The following CACNA1C variants were observed in gnomAD, a reference collection of about 807,000 sequenced individuals.
The protein encoded by CACNA1C is voltage-dependent L-type calcium channel subunit alpha-1C.
In CACNA1C, 30 loss-of-function variants were observed where a neutral mutation model predicts 229.0. The observed-to-expected ratio is 0.13, with a 90% CI of 0.10 to 0.18. The LOEUF (loss-of-function observed/expected upper bound fraction) is 0.18. Ranked by LOEUF, CACNA1C falls within the 10% of genes least tolerant of loss-of-function variation. CACNA1C has a pLI of 1.00. For synonymous variants in CACNA1C, 1,114 were observed against 1,132.5 expected (o/e 0.98, Z 0.33); for missense variants, 1,658 against 2,845.0 (o/e 0.58, Z 9.49).
rs568116212 is a variant in CACNA1C at position 2,234,658 on chromosome 12, C to CTG, written c.477+114242_477+114243dup. Among the ~76,000 whole-genome samples the CTG allele has an allele frequency of 1.5e-3, 225 of 151,788 alleles. 1 individual carries two copies. The highest frequency in any genetic ancestry group is 6.8e-3 in the Middle Eastern group (2 of 294). On this transcript the variant is annotated intron_variant, in intron 3 of 46. Transcript: ENST00000399655. ...TGTTGGTGTTTTTCACAAAAATTTTCTGTGTGTGTGTGTGTATTTTAATAT... is the reference window on the plus strand; with the variant it reads ...TGTTGGTGTTTTTCACAAAAATTTTCTGTGTGTGTGTGTGTGTATTTTAATAT...
intron 3 of CACNA1C, chr12:2,220,795 G>A (rs2061264793): frequency 1.3e-5 from 2 of 152,178 alleles, no homozygotes; most frequent in Admixed American, 6.5e-5. Context: ...AACTATATGC[G>A]AGGCACTTTG....
At chr12:2,261,339 C>T (rs897457663) in intron 3 of CACNA1C, among the ~76,000 whole-genome samples, 15 of 152,076 alleles carry the variant, frequency 9.9e-5, no homozygotes, top group African/African-American at 3.6e-4. Flanking sequence ...AGAAGAGTGA[C>T]ATTGCTTTAC....
intron 1 of CACNA1C, among the ~76,000 whole-genome samples, chr12:1,972,963 A>T (rs2032997785): frequency 6.6e-6 from 1 of 152,200 alleles, no homozygotes; most frequent in African/African-American, 2.4e-5. Context: ...GCATCCATAG[A>T]TGGGAAACAC....
At chr12:2,423,858 A>C (rs2154556796) in intron 3 of CACNA1C, among the ~76,000 whole-genome samples, 1 of 152,320 alleles carries the variant, frequency 6.6e-6, no homozygotes, top group Non-Finnish European at 1.5e-5. Context: ...TGGGGAGCTG[A>C]AATTCTCCCC....
intron 20 of CACNA1C, among the ~76,000 whole-genome samples, chr12:2,596,453 A>G (rs2068225350): frequency 6.6e-6 from 1 of 152,210 alleles, no homozygotes. Context: ...GGACCCACCC[A>G]AGGCTCTGGT....
At chr12:2,584,447 G>T in intron 15 of CACNA1C, 56 bp from the exon 16 acceptor site, 2 of 1,297,702 alleles carry the variant, frequency 1.5e-6, no homozygotes, top group Non-Finnish European at 2.2e-6. Flanking sequence ...CCGTGCCCCT[G>T]TGCCCACCAA....
chr12:2,166,495 C>G (rs560784758), intron 3 of CACNA1C, among the ~76,000 whole-genome samples: 2 of 152,318 alleles, frequency 1.3e-5, no homozygotes, highest in South Asian at 4.1e-4. Context: ...TAAGGAGTGT[C>G]AGCAATGAGG....
intron 1 of CACNA1C, among the ~76,000 whole-genome samples, chr12:2,032,705 G>C (rs551681855): frequency 6.6e-6 from 1 of 152,320 alleles, no homozygotes; most frequent in Admixed American, 6.5e-5. Context: ...TTATGGACAG[G>C]CAGCTCAGAA....
chr12:2,457,086 C>T (rs1263175274), intron 4 of CACNA1C, among the ~76,000 whole-genome samples: 1 of 152,196 alleles, frequency 6.6e-6, no homozygotes, highest in Non-Finnish European at 1.5e-5. Context: ...TGAGCAGCCA[C>T]CAAGGCCAGC....
In CACNA1C at chr12:2,585,531, C is replaced by T. The variant is rs377740467; in HGVS notation, c.2460+35C>T. ...TGTCTCCTTCCTGGAGCTGTGAGGC[C>T]GGTGCTGGGGAGGGAGGGCCACAGC... On this transcript the variant is annotated intron_variant, in intron 17 of 46. Transcript: ENST00000399655. This position sits in a 1 kb window ranked among gnomAD's most constrained non-coding sequence, Gnocchi z 4.1. The T allele has an allele frequency of 5.7e-5, 87 of 1,525,756 alleles. No homozygotes were observed. In the African/African-American group the frequency reaches 8.7e-4, roughly 15 times the overall value. The allele number at this position is 1,525,756 out of a possible 1,614,324, so 94.5% of individuals were successfully genotyped here.
intron 6 of CACNA1C, among the ~76,000 whole-genome samples, chr12:2,492,390 C>T (rs554732482): frequency 5.3e-5 from 8 of 152,194 alleles, no homozygotes; most frequent in Non-Finnish European, 1.0e-4. Context: ...CCCTATTATT[C>T]ACTGCCGCTC....
intron 3 of CACNA1C, among the ~76,000 whole-genome samples, chr12:2,237,389 C>A (rs2067848188): frequency 6.6e-6 from 1 of 152,154 alleles, no homozygotes; most frequent in Non-Finnish European, 1.5e-5. Context: ...TGTGACAGGA[C>A]CTAATGTTTT....
intron 1 of CACNA1C, among the ~76,000 whole-genome samples, chr12:2,083,334 G>T (rs75823749): frequency 6.6e-6 from 1 of 152,216 alleles, no homozygotes; most frequent in East Asian, 1.9e-4. Context: ...GGCCCTGGCC[G>T]TAGATCCCAG....
intron 3 of CACNA1C, among the ~76,000 whole-genome samples, chr12:2,321,343 T>C (rs1005889283): frequency 6.6e-6 from 1 of 152,098 alleles, no homozygotes; most frequent in African/African-American, 2.4e-5. Context: ...GAGTCCCATT[T>C]TGAGCAAGGT....
At chr12:2,070,824 C>A (rs58708722) in intron 1 of CACNA1C, among the ~76,000 whole-genome samples, 7,820 of 151,944 alleles carry the variant, frequency 0.051, 520 homozygotes, top group East Asian at 0.2. Flanking sequence ...TCTTTCCCTT[C>A]CTTTCTTTTT....
At position 2,446,786 on chromosome 12, in the gene CACNA1C, G is replaced by A. The variant is rs564192490; in HGVS notation, c.478-2190G>A. 7.3e-4 allele frequency among the ~76,000 whole-genome samples: 111 copies of A among 151,712 alleles called. 1 individual carries two copies. Among genetic ancestry groups the A allele is most frequent in the African/African-American group, 2.7e-3 (110 of 41,352 alleles). ...TGGGTGGGTGGGTGAATGGATGAAT[G>A]GATGGGTGAGTGCATGAAAAGATGG... On this transcript the variant is annotated intron_variant, in intron 3 of 46. Transcript: ENST00000399655.
In CACNA1C at chr12:2,108,679, T is replaced by A; in HGVS notation, c.50-6545T>A. Among the ~76,000 whole-genome samples, 1 of 152,144 alleles carries A rather than the reference T, an allele frequency of 6.6e-6. No individual in the cohort carries two copies. The highest frequency in any genetic ancestry group is 2.1e-4 in the South Asian group (1 of 4,822). ...ACCACATGGTGCTCAGCACACACCA[T>A]CCTTCCAGAGAGGAGTGCCACTGGG... is the stretch of plus-strand genomic sequence containing the variant. On this transcript the variant is annotated intron_variant, in intron 1 of 46. Coordinates refer to ENST00000399655, the MANE Select transcript of CACNA1C (RefSeq NM_000719.7). This position sits in a 1 kb window ranked among gnomAD's most constrained non-coding sequence, Gnocchi z 5.3.
intron 4 of CACNA1C, among the ~76,000 whole-genome samples, chr12:2,451,909 A>G (rs1219014676): frequency 6.6e-6 from 1 of 152,322 alleles, no homozygotes; most frequent in Non-Finnish European, 1.5e-5. Context: ...CTCTTCTCCT[A>G]AGGGCTCTTC....
intron 3 of CACNA1C, among the ~76,000 whole-genome samples, chr12:2,297,209 G>C (rs2094126359): frequency 6.6e-6 from 1 of 152,182 alleles, no homozygotes; most frequent in Admixed American, 6.5e-5. Flanking sequence ...AACTCTCTAG[G>C]GACAGGAGCA....
Sources: gnomAD v4.1 joint callset for allele counts (sites outside exome capture counted in the v4.1 genomes callset) on GRCh38, gnomAD v4.1.1 for gene constraint, Gnocchi (gnomAD v3.1) non-coding constraint, MANE v1.5 for transcripts, NCBI Gene and HGNC (gene_info 2026-07-23, HGNC 2026-07-21) for gene names.